The following PRIM2 variants were observed in gnomAD, a reference collection of about 807,000 sequenced individuals.
PRIM2 encodes DNA primase subunit 2.
In PRIM2, 39 loss-of-function variants were observed where a neutral mutation model predicts 67.3. That is an observed-to-expected ratio of 0.58 (90% CI 0.45 to 0.76). The LOEUF (loss-of-function observed/expected upper bound fraction) is 0.76, where lower values mean the gene tolerates loss of function less well. Among genes scored for constraint, PRIM2 ranks in the 30% least tolerant of loss-of-function variants. The pLI, the probability that PRIM2 is intolerant of heterozygous loss-of-function variation, is 0.00. For missense variants in PRIM2, 398 were observed against 598.7 expected, an observed-to-expected ratio of 0.66 and a Z score of 3.50; for synonymous variants, 143 against 198.7, an observed-to-expected ratio of 0.72 and a Z score of 2.36.
intron 10 of PRIM2, among the ~76,000 whole-genome samples, chr6:57,567,456 G>A (rs1222159025): frequency 1.3e-5 from 2 of 152,094 alleles, no homozygotes; most frequent in Non-Finnish European, 2.9e-5. Flanking sequence ...GTGAGTTTTG[G>A]TAGGCTGGGT....
At chr6:57,633,189 A>C (rs1476910053) in intron 13 of PRIM2, among the ~76,000 whole-genome samples, 3 of 152,214 alleles carry the variant, frequency 2.0e-5, no homozygotes, top group Non-Finnish European at 4.4e-5. Context: ...CACATCTCCA[A>C]GTCCAATTCA....
chr6:57,546,783 AAG>A (rs1775297441), intron 10 of PRIM2, among the ~76,000 whole-genome samples: 1 of 152,190 alleles, frequency 6.6e-6, no homozygotes, highest in Non-Finnish European at 1.5e-5. Flanking sequence ...AACCATTTCC[AAG>A]AGAACATTCC....
chr6:57,614,593 A>G (rs1211361191), intron 12 of PRIM2, among the ~76,000 whole-genome samples: 1 of 152,148 alleles, frequency 6.6e-6, no homozygotes, highest in Non-Finnish European at 1.5e-5. Context: ...GCTCACACCT[A>G]TAATCCCAGC....
At chr6:57,437,227 A>T (rs1414527630) in intron 7 of PRIM2, among the ~76,000 whole-genome samples, 2 of 152,214 alleles carry the variant, frequency 1.3e-5, no homozygotes, top group Non-Finnish European at 2.9e-5. Context: ...GCATTGTGGT[A>T]AACCATTCAT....
At chr6:57,463,234 A>G (rs1773066545) in intron 7 of PRIM2, among the ~76,000 whole-genome samples, 1 of 152,216 alleles carries the variant, frequency 6.6e-6, no homozygotes, top group African/African-American at 2.4e-5. Context: ...GCTCATGCCT[A>G]TAATCCTAGT....
chr6:57,591,692 A>AG (rs1776284144), intron 10 of PRIM2, among the ~76,000 whole-genome samples: 1 of 152,340 alleles, frequency 6.6e-6, no homozygotes, highest in Non-Finnish European at 1.5e-5. Flanking sequence ...GAGATCGTGG[A>AG]GAAAAGGGAA....
the PRIM2 span, among the ~76,000 whole-genome samples, chr6:57,241,915 G>A: frequency 1.6e-4 from 24 of 152,056 alleles, no homozygotes; most frequent in South Asian, 4.2e-4. Context: ...CTCGTGATCT[G>A]CCCTCCTTGG....
At chr6:57,237,556 A>G in the PRIM2 span, among the ~76,000 whole-genome samples, 1 of 152,162 alleles carries the variant, frequency 6.6e-6, no homozygotes. Context: ...TAGGTCTAAC[A>G]TGTAAGTCTT....
rs1422612429 is a variant in PRIM2 at position 57,566,079 on chromosome 6, A to G, written c.1020+28454A>G. ...TTTTTGTTTTTTTTTCAGCCCATTAACTTGAAGAAATGAGCCAGTTCTATA... is the reference window on the plus strand; with the variant it reads ...TTTTTGTTTTTTTTTCAGCCCATTAGCTTGAAGAAATGAGCCAGTTCTATA... On this transcript the variant is annotated intron_variant, in intron 10 of 13. Coordinates refer to ENST00000615550, the MANE Select transcript of PRIM2 (RefSeq NM_000947.5). 6.0e-5 allele frequency among the ~76,000 whole-genome samples: 9 copies of G among 149,824 alleles called. No individual in the cohort carries two copies. In the East Asian group the frequency reaches 1.8e-3, roughly 29 times the overall value.
chr6:57,237,385 A>G, the PRIM2 span, among the ~76,000 whole-genome samples: 1 of 152,052 alleles, frequency 6.6e-6, no homozygotes, highest in South Asian at 2.1e-4. Context: ...CTCTGATGGT[A>G]GTTTCTTTTG....
At chr6:57,467,653 A>T (rs1449896801) in intron 7 of PRIM2, among the ~76,000 whole-genome samples, 2 of 152,136 alleles carry the variant, frequency 1.3e-5, no homozygotes, top group Non-Finnish European at 2.9e-5. Flanking sequence ...TTTTTTTCTA[A>T]TTCTGTGAAG....
At chr6:57,513,274 A>G (rs1774407432) in intron 8 of PRIM2, among the ~76,000 whole-genome samples, 1 of 149,820 alleles carries the variant, frequency 6.7e-6, no homozygotes, top group Non-Finnish European at 1.5e-5. Flanking sequence ...ATGAATGTAG[A>G]AGTTTATTGT....
chr6:57,482,735 C>T (rs1773660861), intron 7 of PRIM2, among the ~76,000 whole-genome samples: 1 of 152,008 alleles, frequency 6.6e-6, no homozygotes, highest in African/African-American at 2.4e-5. Flanking sequence ...GTGAGGGGCA[C>T]ATTAGGGACA....
chr6:57,275,514 TTA>T, the PRIM2 span, among the ~76,000 whole-genome samples: 1 of 152,112 alleles, frequency 6.6e-6, no homozygotes, highest in African/African-American at 2.4e-5. Context: ...TAAAAGTAGA[TTA>T]TGTTATTACT....
At chr6:57,610,248 T>G (rs1415285816) in intron 12 of PRIM2, among the ~76,000 whole-genome samples, 2 of 152,082 alleles carry the variant, frequency 1.3e-5, no homozygotes, top group Non-Finnish European at 2.9e-5. Flanking sequence ...TTTGTATTTT[T>G]GTAGAGATGG....
rs1293873641 is a variant in PRIM2, at chr6:57,626,981, T to C, written c.1231-5152T>C. On this transcript the variant is annotated intron_variant, in intron 12 of 13. Transcript: ENST00000615550. ...TGGACTTTATTCAACTGATAGAGAA[T>C]AGTTAAAAATAAAGAGAGGCCAGGC... Among the ~76,000 whole-genome samples, 6 of 151,872 alleles carry C rather than the reference T, an allele frequency of 4.0e-5. No individual in the cohort carries two copies. In the East Asian group the frequency reaches 1.2e-3, roughly 30 times the overall value.
At chr6:57,426,695 A>G (rs1771637507) in intron 7 of PRIM2, among the ~76,000 whole-genome samples, 1 of 152,242 alleles carries the variant, frequency 6.6e-6, no homozygotes, top group Non-Finnish European at 1.5e-5. Context: ...GTTCATGATT[A>G]TTCATAGCAG....
At chr6:57,256,043 A>G in the PRIM2 span, among the ~76,000 whole-genome samples, 47,202 of 150,502 alleles carry the variant, frequency 0.31, 8,028 homozygotes, top group East Asian at 0.63. Context: ...ACACACACAC[A>G]CACACATTAG....
At chr6:57,638,576 CAAAAAAAA>C (rs1227220865) in intron 13 of PRIM2, among the ~76,000 whole-genome samples, 1 of 32,028 alleles carries the variant, frequency 3.1e-5, no homozygotes, top group African/African-American at 1.3e-4. Context: ...AAACAGAAAG[CAAAAAAAA>C]AAAAAAAAAA....
Sources: gnomAD v4.1 joint callset for allele counts (sites outside exome capture counted in the v4.1 genomes callset) on GRCh38, gnomAD v4.1.1 for gene constraint, MANE v1.5 for transcripts, NCBI Gene and HGNC (gene_info 2026-07-23, HGNC 2026-07-21) for gene names.